TBC1D15: variants seen among roughly 807,000 people sequenced by gnomAD.
The protein encoded by TBC1D15 is TBC1 domain family member 15.
TBC1D15 carries 39 observed loss-of-function variants against 95.4 expected under a neutral mutation model. That is an observed-to-expected ratio of 0.41 (90% CI 0.32 to 0.53). TBC1D15 has a LOEUF of 0.53. TBC1D15 is among the 20% of genes least tolerant of loss of function. TBC1D15 has a pLI of 0.29. For missense variants in TBC1D15, 733 were observed against 794.3 expected (o/e 0.92, Z 0.93); for synonymous variants, 258 against 261.3 (o/e 0.99, Z 0.12).
intron 1 of TBC1D15, among the ~76,000 whole-genome samples, chr12:71,871,536 A>G (rs531926238): frequency 5.3e-5 from 8 of 152,168 alleles, no homozygotes; most frequent in Admixed American, 2.6e-4. Context: ...TGCATTTTCA[A>G]TTCGAGCTCA....
chr12:71,920,175 C>A (rs1291941025), intron 14 of TBC1D15, among the ~76,000 whole-genome samples: 1 of 152,118 alleles, frequency 6.6e-6, no homozygotes, highest in East Asian at 1.9e-4. Context: ...GTTGATCAAG[C>A]GTTTTCTATG....
chr12:71,903,567 T>C lies in TBC1D15; in HGVS notation c.1184-3455T>C, dbSNP rs757671678. ...GTTCTACCACAAAGGTAAATGCACA[T>C]GTATGTTCATAGCAGCACTATTTGA... On this transcript the variant is annotated intron_variant, in intron 10 of 16. Transcript: ENST00000485960. Among the ~76,000 whole-genome samples the C allele has an allele frequency of 5.9e-5, 9 of 152,294 alleles. 1 individual carries two copies. In the South Asian group the frequency reaches 1.9e-3, roughly 32 times the overall value.
At chr12:71,902,506 T>G (rs925927543) in intron 10 of TBC1D15, among the ~76,000 whole-genome samples, 2 of 152,184 alleles carry the variant, frequency 1.3e-5, no homozygotes, top group Admixed American at 1.3e-4. Flanking sequence ...TAAATGTTCC[T>G]GGGATAACTG....
Position 71,877,093 on chromosome 12 carries a change from G to A in TBC1D15, c.205-3376G>A, listed in dbSNP as rs181566657. ...CCCAAAGTGCTGGAATTACAGACGT[G>A]AGCCACTGTGCCTGGCTGTTTTTGA... On this transcript the variant is annotated intron_variant, in intron 3 of 16. Transcript: ENST00000485960. Among the ~76,000 whole-genome samples the A allele has an allele frequency of 2.3e-4, 35 of 152,134 alleles. 1 individual carries two copies. In the East Asian group the frequency reaches 6.4e-3, roughly 28 times the overall value.
intron 1 of TBC1D15, among the ~76,000 whole-genome samples, chr12:71,852,846 C>G (rs949578196): frequency 6.6e-6 from 1 of 152,198 alleles, no homozygotes; most frequent in Admixed American, 6.5e-5. Flanking sequence ...TTGGTCACAA[C>G]CGTTCAACCA....
intron 1 of TBC1D15, among the ~76,000 whole-genome samples, chr12:71,846,749 A>G (rs957052455): frequency 7.3e-6 from 1 of 137,080 alleles, no homozygotes; most frequent in African/African-American, 2.7e-5. Context: ...ATTATTTTTT[A>G]TACAGCTTTT....
At chr12:71,881,227 G>A (rs1895063432) in intron 4 of TBC1D15, among the ~76,000 whole-genome samples, 1 of 152,136 alleles carries the variant, frequency 6.6e-6, no homozygotes, top group Non-Finnish European at 1.5e-5. Context: ...TCTACATTTA[G>A]ACGTGTTTAG....
chr12:71,862,901 A>G (rs2138148680), intron 1 of TBC1D15, among the ~76,000 whole-genome samples: 1 of 152,324 alleles, frequency 6.6e-6, no homozygotes, highest in Non-Finnish European at 1.5e-5. Flanking sequence ...AGCAGTTCTT[A>G]TAAGGCCAGT....
intron 9 of TBC1D15, among the ~76,000 whole-genome samples, chr12:71,897,057 A>G (rs1898328256): frequency 6.6e-6 from 1 of 152,172 alleles, no homozygotes; most frequent in Middle Eastern, 3.2e-3. Context: ...TACTTGAAAG[A>G]TAACTACGTA....
chr12:71,839,820 C>A lies in TBC1D15; in HGVS notation c.30+9C>A. On this transcript the variant is annotated intron_variant, in intron 1 of 16. Transcript: ENST00000485960. ...GTGTTGTGAGCGGGAAGGTAGGTAA[C>A]GGCCTCCAGGAAGACCTCGGCTTTT... 1 of 1,614,096 alleles carries A rather than the reference C, an allele frequency of 6.2e-7. No individual in the cohort carries two copies. The highest frequency in any genetic ancestry group is 8.5e-7 in the Non-Finnish European group (1 of 1,179,972).
At chr12:71,864,626 C>T (rs921801383) in intron 1 of TBC1D15, among the ~76,000 whole-genome samples, 1 of 152,066 alleles carries the variant, frequency 6.6e-6, no homozygotes, top group African/African-American at 2.4e-5. Context: ...TCTGCCTCAG[C>T]CTCCCGGGTA....
At chr12:71,921,301 G>GT in intron 15 of TBC1D15, 67 bp from the exon 16 acceptor site, 1 of 800,334 alleles carries the variant, frequency 1.2e-6, no homozygotes, top group Admixed American at 2.9e-5. Context: ...GTAATAAATT[G>GT]TTTATATAAT....
rs190137268 is a variant in TBC1D15 at position 71,912,441 on chromosome 12, G to A, written c.1301-1385G>A. Among the ~76,000 whole-genome samples, 293 of 151,920 alleles carry A rather than the reference G, an allele frequency of 1.9e-3. 1 individual carries two copies. The highest frequency in any genetic ancestry group is 6.8e-3 in the Middle Eastern group (2 of 292). ...GAGGTTAACAGGACTGTGGAAAGAT[G>A]TGGTGGTAAGATGATTGGACAGAGG... On this transcript the variant is annotated intron_variant, in intron 11 of 16. Coordinates refer to ENST00000485960, the MANE Select transcript of TBC1D15 (RefSeq NM_001146213.3).
intron 1 of TBC1D15, among the ~76,000 whole-genome samples, chr12:71,863,014 G>A (rs970041821): frequency 1.8e-4 from 27 of 152,098 alleles, no homozygotes; most frequent in African/African-American, 6.0e-4. Context: ...TTCTTGGCTG[G>A]AAGTATTTTT....
intron 11 of TBC1D15, among the ~76,000 whole-genome samples, chr12:71,909,766 A>G (rs536701224): frequency 1.2e-4 from 19 of 152,238 alleles, no homozygotes; most frequent in African/African-American, 4.1e-4. Flanking sequence ...CAAATTTGCT[A>G]TGGAAGTAAT....
intron 11 of TBC1D15, among the ~76,000 whole-genome samples, chr12:71,912,775 C>T (rs1477332150): frequency 6.6e-6 from 1 of 151,994 alleles, no homozygotes; most frequent in African/African-American, 2.4e-5. Flanking sequence ...CCAGACTTCC[C>T]AAGCTACCAA....
intron 3 of TBC1D15, among the ~76,000 whole-genome samples, chr12:71,878,690 A>G (rs1430521164): frequency 1.3e-5 from 2 of 151,190 alleles, no homozygotes; most frequent in East Asian, 1.9e-4. Flanking sequence ...TAATTTTTGT[A>G]TTTTTAGTAG....
chr12:71,906,134 A>G (rs1900657748), intron 10 of TBC1D15, among the ~76,000 whole-genome samples: 2 of 152,120 alleles, frequency 1.3e-5, no homozygotes, highest in African/African-American at 2.4e-5. Flanking sequence ...CGGCATCCCA[A>G]AGTGCTGGGA....
At chr12:71,894,451 T>C in intron 6 of TBC1D15, 1 of 1,432,154 alleles carries the variant, frequency 7.0e-7, no homozygotes. Context: ...TGCAATTCAA[T>C]CAGTAGCATT....
Sources: allele counts gnomAD v4.1 joint callset (sites outside exome capture counted in the v4.1 genomes callset), GRCh38; gene constraint gnomAD v4.1.1; transcripts MANE v1.5; gene names NCBI Gene and HGNC (gene_info 2026-07-23, HGNC 2026-07-21).